Variants in DPH6 observed in about 807,000 individuals in gnomAD.
The protein encoded by DPH6 is diphthamine biosynthesis 6.
DPH6 carries 33 observed loss-of-function variants against 38.2 expected under a neutral mutation model. The observed-to-expected ratio is 0.86, with a 90% CI of 0.65 to 1.15. The LOEUF (loss-of-function observed/expected upper bound fraction) is 1.15. Among genes scored for constraint, DPH6 ranks in the 50% most tolerant of loss-of-function variants. The pLI is 0.00. For missense variants in DPH6, 325 were observed against 320.0 expected, an observed-to-expected ratio of 1.02 and a Z score of -0.12; for synonymous variants, 108 against 103.0, an observed-to-expected ratio of 1.05 and a Z score of -0.30.
At chr15:35,240,152 T>C (rs1369783258) in intron 3 of DPH6, among the ~76,000 whole-genome samples, 1 of 142,834 alleles carries the variant, frequency 7.0e-6, no homozygotes, top group African/African-American at 2.5e-5. Flanking sequence ...TATTTTCTTC[T>C]GCAATGCCGC....
intron 5 of DPH6, among the ~76,000 whole-genome samples, chr15:35,428,893 C>G (rs1391815969): frequency 6.6e-6 from 1 of 151,938 alleles, no homozygotes; most frequent in African/African-American, 2.4e-5. Context: ...TGCAATCTTT[C>G]CCTTTTACAA....
rs529035232 is a variant in DPH6 at position 35,425,461 on chromosome 15, T to C, written c.506-14565A>G. On this transcript the variant is annotated intron_variant, in intron 5 of 8. Transcript: ENST00000256538. ...CTAGCATTCATTAAAATAGAATCTT[T>C]TCCTATTTATTTGTAAATATTACAA... is the stretch of plus-strand genomic sequence containing the variant. Among the ~76,000 whole-genome samples, 10 of 151,670 alleles carry C rather than the reference T, an allele frequency of 6.6e-5. No individual in the cohort carries two copies. In the South Asian group the frequency reaches 1.9e-3, roughly 28 times the overall value.
At chr15:35,225,393 A>C (rs76365511) in intron 3 of DPH6, among the ~76,000 whole-genome samples, 4,218 of 152,330 alleles carry the variant, frequency 0.028, 86 homozygotes, top group Middle Eastern at 0.041. Flanking sequence ...TTTGTAAGGA[A>C]GTCACTAAGT....
At chr15:35,185,045 T>C in the DPH6 span, among the ~76,000 whole-genome samples, 2,069 of 151,704 alleles carry the variant, frequency 0.014, 43 homozygotes, top group African/African-American at 0.047. Flanking sequence ...TGAAGATATA[T>C]ATGTAGAAAA....
At chr15:35,206,700 T>C in the DPH6 span, among the ~76,000 whole-genome samples, 1 of 152,216 alleles carries the variant, frequency 6.6e-6, no homozygotes. Context: ...ATTCACACAC[T>C]GATATGATTA....
intron 3 of DPH6, among the ~76,000 whole-genome samples, chr15:35,332,450 CAAT>C (rs917167270): frequency 6.6e-6 from 1 of 152,058 alleles, no homozygotes; most frequent in Non-Finnish European, 1.5e-5. Flanking sequence ...CTTTTTATCT[CAAT>C]AAAGAACAAT....
rs144407317 is a variant in DPH6 at position 35,314,491 on chromosome 15, G to A, written n.200+59030C>T. Among the ~76,000 whole-genome samples the A allele has an allele frequency of 2.5e-3, 375 of 152,230 alleles. 1 individual carries two copies. Among genetic ancestry groups the A allele is most frequent in the African/African-American group, 8.4e-3 (348 of 41,530 alleles). On this transcript the variant is annotated intron_variant and non_coding_transcript_variant, in intron 3 of 3. Coordinates refer to the DPH6 transcript ENST00000560386. ...GGAGACAACTTGCAACATCAACAAC[G>A]CATTTGGTCTGGGAACTGCTAACAA...
At chr15:35,322,198 G>A (rs2052246636) in intron 3 of DPH6, among the ~76,000 whole-genome samples, 1 of 152,118 alleles carries the variant, frequency 6.6e-6, no homozygotes, top group African/African-American at 2.4e-5. Flanking sequence ...CACAAATCTT[G>A]TGACCTCTGG....
rs554068907 is a variant in DPH6, at chr15:35,436,532, T to C, written c.505+14153A>G. 9.8e-5 allele frequency among the ~76,000 whole-genome samples: 5 copies of C among 51,276 alleles called. No homozygotes were observed. In the South Asian group the frequency reaches 4.3e-3, roughly 44 times the overall value. 33.6% of individuals were successfully genotyped at this position (51,276 alleles called of 152,430 possible). A position where few individuals can be genotyped will look rare whatever the true frequency, so the allele number is the denominator to read the frequency against. On this transcript the variant is annotated intron_variant, in intron 5 of 8. Coordinates refer to ENST00000256538, the MANE Select transcript of DPH6 (RefSeq NM_080650.4). Reference sequence around the variant, plus strand: ...AACAAAACAAAAAAGGTTCTCTCCCTGTTCGTCACTGCACTCCAGCCTGGG... The same window carrying C: ...AACAAAACAAAAAAGGTTCTCTCCCCGTTCGTCACTGCACTCCAGCCTGGG...
At chr15:35,316,048 A>G (rs2052185836) in intron 3 of DPH6, among the ~76,000 whole-genome samples, 1 of 152,108 alleles carries the variant, frequency 6.6e-6, no homozygotes. Context: ...GGGTAGGGGG[A>G]AGGGAACTAT....
chr15:35,537,313 G>A lies in DPH6; in HGVS notation c.312+961C>T, dbSNP rs192379543. On this transcript the variant is annotated intron_variant, in intron 3 of 8. Coordinates refer to ENST00000256538, the MANE Select transcript of DPH6 (RefSeq NM_080650.4). ...TGTACCTTTGTAGAGGAAGGGACAGGAATCTTCTTTCCTTCCCCTTGTGAA... is the reference window on the plus strand; with the variant it reads ...TGTACCTTTGTAGAGGAAGGGACAGAAATCTTCTTTCCTTCCCCTTGTGAA... Among the ~76,000 whole-genome samples, 325 of 152,152 alleles carry A rather than the reference G, an allele frequency of 2.1e-3. 2 individuals carry two copies. Among genetic ancestry groups the A allele is most frequent in the African/African-American group, 7.6e-3 (315 of 41,530 alleles).
At chr15:35,170,997 C>T in the DPH6 span, among the ~76,000 whole-genome samples, 1 of 152,120 alleles carries the variant, frequency 6.6e-6, no homozygotes, top group African/African-American at 2.4e-5. Flanking sequence ...AATGGTGGAG[C>T]TTGGTGAATT....
the DPH6 span, among the ~76,000 whole-genome samples, chr15:35,164,575 A>C: frequency 1.3e-5 from 2 of 151,982 alleles, no homozygotes; most frequent in African/African-American, 4.8e-5. Context: ...TTTAGTATAA[A>C]AATATTTTAT....
chr15:35,285,872 G>GTTTTATTTTTTTTTTTT (rs2051938431), intron 3 of DPH6, among the ~76,000 whole-genome samples: 1 of 52,794 alleles, frequency 1.9e-5, no homozygotes, highest in African/African-American at 7.5e-5. Context: ...TTATCTTTGA[G>GTTTTATTTTTTTTTTTT]TTTTTTTTTT....
chr15:35,157,587 C>T, the DPH6 span, among the ~76,000 whole-genome samples: 64 of 151,984 alleles, frequency 4.2e-4, no homozygotes, highest in Non-Finnish European at 3.1e-4. Flanking sequence ...CCCTCATTTC[C>T]GGCACCTTCT....
At chr15:35,443,335 A>G (rs1162746235) in intron 5 of DPH6, among the ~76,000 whole-genome samples, 4 of 152,168 alleles carry the variant, frequency 2.6e-5, no homozygotes, top group African/African-American at 9.7e-5. Context: ...TATTACTTAC[A>G]AAGAATAAGT....
chr15:35,534,803 C>G (rs923008812), intron 3 of DPH6, among the ~76,000 whole-genome samples: 1 of 152,122 alleles, frequency 6.6e-6, no homozygotes, highest in Non-Finnish European at 1.5e-5. Flanking sequence ...ATTGGCTTTG[C>G]AATATTTTGT....
intron 1 of DPH6, among the ~76,000 whole-genome samples, chr15:35,543,138 G>T (rs1273571507): frequency 6.8e-6 from 1 of 146,852 alleles, no homozygotes; most frequent in African/African-American, 2.5e-5. Flanking sequence ...TGACACACTT[G>T]GTGGGTTCAA....
At chr15:35,497,949 C>T (rs929558728) in intron 3 of DPH6, among the ~76,000 whole-genome samples, 1 of 152,100 alleles carries the variant, frequency 6.6e-6, no homozygotes, top group Non-Finnish European at 1.5e-5. Context: ...TTAAAATAGT[C>T]GGTTATTGTT....
Sources: gnomAD v4.1 joint callset for allele counts (sites outside exome capture counted in the v4.1 genomes callset) on GRCh38, gnomAD v4.1.1 for gene constraint, MANE v1.5 for transcripts, NCBI Gene and HGNC (gene_info 2026-07-23, HGNC 2026-07-21) for gene names.